The following CECR2 variants were observed in gnomAD, a reference collection of about 807,000 sequenced individuals.
CECR2 encodes the protein CECR2 histone acetyl-lysine reader.
In CECR2, 30 loss-of-function variants were observed where a neutral mutation model predicts 154.5. That is an observed-to-expected ratio of 0.19 (90% CI 0.15 to 0.26). The LOEUF (loss-of-function observed/expected upper bound fraction) is 0.26. Among genes scored for constraint, CECR2 ranks in the 10% least tolerant of loss-of-function variants. CECR2 has a pLI of 1.00. For synonymous variants in CECR2, 725 were observed against 683.7 expected (o/e 1.06, Z -0.94); for missense variants, 1,743 against 1,829.3 (o/e 0.95, Z 0.86).
chr22:17,383,728 G>A (rs566588606), intron 1 of CECR2, among the ~76,000 whole-genome samples: 8 of 138,160 alleles, frequency 5.8e-5, no homozygotes, highest in Middle Eastern at 4.3e-3. Context: ...GTGGCAGTAC[G>A]CTCTCAGCTC....
At position 17,551,966 on chromosome 22, in the gene CECR2, T is replaced by G. The variant is rs2056714618; in HGVS notation, c.4278-65T>G. ...AGGCAGTACCCTCGTGACTACAGTG[T>G]CTTGTTTCTTCTGTCGTTAACACGT... On this transcript the variant is annotated intron_variant, in intron 17 of 18. Coordinates refer to ENST00000262608, the MANE Select transcript of CECR2 (RefSeq NM_001290047.2). The G allele has an allele frequency of 2.0e-6, 3 of 1,476,414 alleles. No homozygotes were observed. In the East Asian group the frequency reaches 6.8e-5, roughly 34 times the overall value. The allele number at this position is 1,476,414 out of a possible 1,614,324, so 91.5% of individuals were successfully genotyped here.
In CECR2 at chr22:17,524,284, TC is replaced by T; in HGVS notation, c.1108+15del. On this transcript the variant is annotated intron_variant, in intron 9 of 18. Transcript: ENST00000262608. ...AAGGCAGTGGAAGGTATGTGCAGTG[TC>T]CGCGTGGTCTGGAGAGGTGCATGTC... The T allele has an allele frequency of 1.2e-6, 2 of 1,603,312 alleles. No individual in the cohort carries two copies. The highest frequency in any genetic ancestry group is 1.7e-6 in the Non-Finnish European group (2 of 1,175,726).
chr22:17,549,300 C>A lies in CECR2; in HGVS notation c.4013C>A (p.Pro1338His). 1 of 1,614,008 alleles carries A rather than the reference C, an allele frequency of 6.2e-7. No homozygotes were observed. The highest frequency in any genetic ancestry group is 8.5e-7 in the Non-Finnish European group (1 of 1,179,902). Reference sequence around the variant, plus strand: ...GGATTTGGTTCATCTGCATTTCCACCCCACAGTGTGATGCTGCAGACGGGG... The same window carrying A: ...GGATTTGGTTCATCTGCATTTCCACACCACAGTGTGATGCTGCAGACGGGG... ...GMGFGSSAFP[P>H]HSVMLQTGPP... Residue 1338 changes from proline to histidine, a missense_variant, in exon 17 of 19, where the codon CCC becomes CAC. By Grantham distance (77) the Pro-to-His change is moderately conservative. Transcript: ENST00000262608.
chr22:17,511,764 G>T, intron 7 of CECR2, 49 bp from the exon 8 acceptor site: 1 of 1,527,058 alleles, frequency 6.5e-7, no homozygotes, highest in South Asian at 1.2e-5. Context: ...CAGTAGTTGA[G>T]AACACCCTAA....
intron 2 of CECR2, among the ~76,000 whole-genome samples, chr22:17,496,752 G>A (rs1343721004): frequency 1.3e-5 from 2 of 152,136 alleles, no homozygotes; most frequent in Admixed American, 6.6e-5. Context: ...GAACCGCAGG[G>A]TGTCTTCAGT....
intron 1 of CECR2, among the ~76,000 whole-genome samples, chr22:17,396,713 T>C (rs2053817758): frequency 6.6e-6 from 1 of 152,204 alleles, no homozygotes; most frequent in Non-Finnish European, 1.5e-5. Context: ...ACATTCCTGG[T>C]ATATAACCTG....
intron 1 of CECR2, among the ~76,000 whole-genome samples, chr22:17,446,949 C>T (rs1007453024): frequency 6.6e-6 from 1 of 151,162 alleles, no homozygotes; most frequent in Non-Finnish European, 1.5e-5. Context: ...TTACACAGTG[C>T]TGATTGGTGT....
rs561656792 is a variant in CECR2, at chr22:17,556,738, G to A, written c.*3898G>A. On this transcript the variant is annotated 3_prime_UTR_variant, in exon 19 of 19. Coordinates refer to ENST00000262608, the MANE Select transcript of CECR2 (RefSeq NM_001290047.2). ...TTTTCATAGAAAGGAAAGGCTGAAG[G>A]TTTTCTAGCATTGTTGCCCTTCTTT... 5.3e-5 allele frequency: 8 copies of A among 152,306 alleles called. No individual in the cohort carries two copies. The highest frequency in any genetic ancestry group is 1.4e-4 in the African/African-American group (6 of 41,542). 9.4% of individuals were successfully genotyped at this position (152,306 alleles called of 1,614,324 possible).
Position 17,549,201 on chromosome 22 carries a change from C to T in CECR2, c.3914C>T (p.Ala1305Val), listed in dbSNP as rs752389394. 1 of 1,614,030 alleles carries T rather than the reference C, an allele frequency of 6.2e-7. No homozygotes were observed. The highest frequency in any genetic ancestry group is 8.5e-7 in the Non-Finnish European group (1 of 1,179,900). ...TTAGACCTGGACAACCATAACGCAGCTACCAAGCGGCAGAGCTCGTTGTCA... is the reference window on the plus strand; with the variant it reads ...TTAGACCTGGACAACCATAACGCAGTTACCAAGCGGCAGAGCTCGTTGTCA... The part of the protein sequence containing the change: ...EFLDLDNHNA[A>V]TKRQSSLSAS... Residue 1305 changes from alanine (A) to valine (V), a missense_variant, in exon 17 of 19, where the codon GCT (alanine) becomes GTT (valine). Around this residue, in one of 4 missense-constraint regions of CECR2, gnomAD observed 1,250 missense variants for 1,192.1 expected, o/e 1.05. Transcript: ENST00000262608.
chr22:17,375,618 G>A (rs1456080628), intron 1 of CECR2, among the ~76,000 whole-genome samples: 1 of 151,808 alleles, frequency 6.6e-6, no homozygotes. Flanking sequence ...AAAACAGGGT[G>A]ATTAGTAGGG....
chr22:17,493,210 G>C (rs2055562021), intron 2 of CECR2, among the ~76,000 whole-genome samples: 1 of 152,116 alleles, frequency 6.6e-6, no homozygotes, highest in South Asian at 2.1e-4. Flanking sequence ...GTCCTCAAGT[G>C]ATCTGCCCAT....
chr22:17,382,831 G>A (rs1399033037), intron 1 of CECR2, among the ~76,000 whole-genome samples: 3 of 152,182 alleles, frequency 2.0e-5, no homozygotes. Context: ...CTTGAGTCCA[G>A]GAGGCGGAGG....
At chr22:17,495,656 A>T (rs1601457166) in intron 2 of CECR2, among the ~76,000 whole-genome samples, 1 of 151,682 alleles carries the variant, frequency 6.6e-6, no homozygotes, top group South Asian at 2.1e-4. Flanking sequence ...AGGTCAGGAA[A>T]TCGAGACCAT....
At chr22:17,378,250 T>C (rs1338402190) in intron 1 of CECR2, among the ~76,000 whole-genome samples, 1 of 151,344 alleles carries the variant, frequency 6.6e-6, no homozygotes, top group Non-Finnish European at 1.5e-5. Context: ...CCCAAAGTGC[T>C]GGGATTACAG....
intron 1 of CECR2, among the ~76,000 whole-genome samples, chr22:17,440,214 T>G (rs1379612566): frequency 1.3e-5 from 2 of 152,036 alleles, no homozygotes; most frequent in Non-Finnish European, 2.9e-5. Flanking sequence ...AAACTGTGTG[T>G]GTGTGTGTTG....
chr22:17,448,442 C>T (rs9605296), intron 1 of CECR2, among the ~76,000 whole-genome samples: 21,642 of 152,136 alleles, frequency 0.14, 1,865 homozygotes, highest in East Asian at 0.29. Flanking sequence ...ACTTTGACAT[C>T]AACTAGCAGT....
chr22:17,488,108 C>T (rs2055456581), intron 2 of CECR2, among the ~76,000 whole-genome samples: 1 of 152,170 alleles, frequency 6.6e-6, no homozygotes, highest in African/African-American at 2.4e-5. Context: ...TCTCAAACTC[C>T]TGACCTCAGG....
intron 1 of CECR2, among the ~76,000 whole-genome samples, chr22:17,446,850 A>T (rs59342386): frequency 0.28 from 42,964 of 151,804 alleles, 8,377 homozygotes; most frequent in East Asian, 0.54. Context: ...GGCCAGCTTT[A>T]TTCCCTTATT....
chr22:17,483,377 T>A (rs879604507), intron 2 of CECR2, among the ~76,000 whole-genome samples: 1 of 152,238 alleles, frequency 6.6e-6, no homozygotes, highest in South Asian at 2.1e-4. Context: ...CTGGGCAACA[T>A]AGCAAGACTC....
Sources: allele counts gnomAD v4.1 joint callset (sites outside exome capture counted in the v4.1 genomes callset), GRCh38; gene constraint gnomAD v4.1.1; regional missense constraint gnomAD v4.1.1; transcripts MANE v1.5; gene names NCBI Gene and HGNC (gene_info 2026-07-23, HGNC 2026-07-21).